The following STXBP4 variants were observed in gnomAD, a reference collection of about 807,000 sequenced individuals.
STXBP4 encodes the protein syntaxin-binding protein 4.
In STXBP4, 55 loss-of-function variants were observed where a neutral mutation model predicts 76.1. The ratio of observed to expected loss-of-function variants is 0.72; its 90% CI spans 0.58 to 0.91. STXBP4 has a LOEUF of 0.91. STXBP4 is among the 40% of genes least tolerant of loss of function. The pLI, the probability that STXBP4 is intolerant of heterozygous loss-of-function variation, is 0.00. For synonymous variants in STXBP4, 201 were observed against 220.2 expected (o/e 0.91, Z 0.77); for missense variants, 618 against 636.9 (o/e 0.97, Z 0.32).
intron 16 of STXBP4, 40 bp from the exon 17 acceptor site, chr17:55,141,270 T>A (rs752761213): frequency 6.6e-7 from 1 of 1,526,114 alleles, no homozygotes; most frequent in South Asian, 1.2e-5. Context: ...GTTATCTTTA[T>A]CATCTTATTA....
chr17:55,044,778 T>C (rs1298798536), intron 11 of STXBP4: 2 of 152,156 alleles, frequency 1.3e-5, no homozygotes, highest in African/African-American at 4.8e-5. Flanking sequence ...AAAAATTTTT[T>C]TCCAGTATGT....
rs551298005 is a variant in STXBP4, at chr17:55,040,899, C to G, written c.856-2337C>G. 7.2e-5 allele frequency among the ~76,000 whole-genome samples: 11 copies of G among 152,236 alleles called. No homozygotes were observed. The South Asian group carries it at 2.3e-3, about 32-fold the overall frequency. On this transcript the variant is annotated intron_variant, in intron 10 of 17. Transcript: ENST00000376352. ...ATAACAACAATTCATTTGCCGCTTC[C>G]TTAGCTGAAGTATATTTGAATGGAA...
chr17:55,080,759 C>G (rs2079245307), intron 15 of STXBP4, among the ~76,000 whole-genome samples: 1 of 152,042 alleles, frequency 6.6e-6, no homozygotes, highest in Admixed American at 6.6e-5. Flanking sequence ...AAGAGAAGCA[C>G]TCACAAAATA....
rs1047230476 is a variant in STXBP4, at chr17:55,167,991, A to G, written c.*8080A>G. 1 of 152,160 alleles carries G rather than the reference A, an allele frequency of 6.6e-6. No individual in the cohort carries two copies. Among genetic ancestry groups the G allele is most frequent in the Non-Finnish European group, 1.5e-5 (1 of 68,002 alleles). 9.4% of individuals were successfully genotyped at this position (152,160 alleles called of 1,614,324 possible). On this transcript the variant is annotated 3_prime_UTR_variant, in exon 18 of 18. Transcript: ENST00000376352. ...GAAAAGATGTTTATGAGCAGATTCT[A>G]TTTCTTTAGGCAGTTTTATCATTCA...
intron 16 of STXBP4, among the ~76,000 whole-genome samples, chr17:55,082,968 AT>A (rs57240226): frequency 2.0e-4 from 29 of 148,254 alleles, no homozygotes; most frequent in South Asian, 2.1e-4. Flanking sequence ...GCAAGAAAGC[AT>A]TTTTTTTTTT....
intron 1 of STXBP4, among the ~76,000 whole-genome samples, chr17:54,975,195 A>G (rs1179856200): frequency 3.3e-5 from 5 of 152,090 alleles, no homozygotes; most frequent in Admixed American, 6.5e-5. Flanking sequence ...CTGGAGTGCA[A>G]TGGCATGATC....
intron 1 of STXBP4, among the ~76,000 whole-genome samples, chr17:54,983,467 AC>A (rs138259804): frequency 0.045 from 6,842 of 152,190 alleles, 543 homozygotes; most frequent in African/African-American, 0.16. Flanking sequence ...CAGTAGAAAG[AC>A]TGCTCAGTTT....
the STXBP4 span, among the ~76,000 whole-genome samples, chr17:55,179,216 T>A: frequency 6.6e-6 from 1 of 152,202 alleles, no homozygotes; most frequent in African/African-American, 2.4e-5. Flanking sequence ...TGGCAAGAGT[T>A]ACTACCACTG....
intron 13 of STXBP4, 139 bp from the exon 14 acceptor site, chr17:55,077,939 C>T: frequency 2.0e-6 from 1 of 511,478 alleles, no homozygotes; most frequent in South Asian, 4.3e-5. Context: ...TACATGCCCC[C>T]CAAAATCAAA....
At chr17:55,089,890 G>A (rs1452577802) in intron 16 of STXBP4, among the ~76,000 whole-genome samples, 1 of 152,110 alleles carries the variant, frequency 6.6e-6, no homozygotes, top group Admixed American at 6.6e-5. Flanking sequence ...AGGCCTCATG[G>A]AAATGATAAC....
chr17:55,031,335 T>G, intron 9 of STXBP4, 71 bp downstream of exon 9: 1 of 1,215,954 alleles, frequency 8.2e-7, no homozygotes, highest in South Asian at 1.3e-5. Context: ...ACATTTTCAT[T>G]AAGAGTGTTT....
rs919521586 is a variant in STXBP4, at chr17:55,165,914, T to TC, written c.*6006dup. 2.6e-5 allele frequency: 4 copies of TC among 152,268 alleles called. No individual in the cohort carries two copies. 9.4% of individuals were successfully genotyped at this position (152,268 alleles called of 1,614,324 possible). Reference sequence around the variant, plus strand: ...TCTGCTGGCATCTTGATCGTACACTTCCCAGCCTCCAGAGCTGTGAACAAT... The same window carrying TC: ...TCTGCTGGCATCTTGATCGTACACTTCCCCAGCCTCCAGAGCTGTGAACAAT... On this transcript the variant is annotated 3_prime_UTR_variant, in exon 18 of 18. Transcript: ENST00000376352.
In STXBP4 at chr17:55,081,188, G is replaced by A; in HGVS notation, c.1489+5G>A. The A allele has an allele frequency of 6.9e-7, 1 of 1,449,872 alleles. No homozygotes were observed. Among genetic ancestry groups the A allele is most frequent in the Non-Finnish European group, 9.1e-7 (1 of 1,099,158 alleles). 89.8% of individuals were successfully genotyped at this position (1,449,872 alleles called of 1,614,324 possible). ...GTGCCTTACTTGATATGGATTGTAA[G>A]TTTTCTGCATTTTTTCACTTTTTAA... On this transcript the variant is annotated splice_donor_5th_base_variant and intron_variant, in intron 16 of 17. Coordinates refer to ENST00000376352, the MANE Select transcript of STXBP4 (RefSeq NM_178509.6).
intron 1 of STXBP4, among the ~76,000 whole-genome samples, chr17:54,984,405 C>T (rs1478977190): frequency 2.1e-5 from 3 of 142,970 alleles, no homozygotes; most frequent in Non-Finnish European, 4.5e-5. Flanking sequence ...TGCAGTGGCA[C>T]GGTCTTGGCT....
chr17:54,998,886 A>T (rs77406149), intron 4 of STXBP4, among the ~76,000 whole-genome samples: 1 of 152,042 alleles, frequency 6.6e-6, no homozygotes, highest in African/African-American at 2.4e-5. Flanking sequence ...TAAAAATCTC[A>T]ATGTGGGATA....
intron 16 of STXBP4, among the ~76,000 whole-genome samples, chr17:55,116,298 C>A (rs995487829): frequency 1.9e-4 from 29 of 151,680 alleles, no homozygotes; most frequent in Admixed American, 1.1e-3. Context: ...TTCTGTATAC[C>A]ATTAGTGCCT....
chr17:55,165,091 C>A lies in STXBP4; in HGVS notation c.*5180C>A, dbSNP rs1166824089. 1 of 152,116 alleles carries A rather than the reference C, an allele frequency of 6.6e-6. No individual in the cohort carries two copies. The highest frequency in any genetic ancestry group is 2.4e-5 in the African/African-American group (1 of 41,410). The allele number at this position is 152,116 out of a possible 1,614,324, so 9.4% of individuals were successfully genotyped here. A position where few individuals can be genotyped will look rare whatever the true frequency, so the allele number is the denominator to read the frequency against. ...CTACTGGACCATTTAATGTTCATTA[C>A]GTTAACAAAGAGTGTGATATCAGAA... On this transcript the variant is annotated 3_prime_UTR_variant, in exon 18 of 18. Transcript: ENST00000376352.
rs2145207323 is a variant in STXBP4, at chr17:55,165,970, T to G, written c.*6059T>G. On this transcript the variant is annotated 3_prime_UTR_variant, in exon 18 of 18. Coordinates refer to ENST00000376352, the MANE Select transcript of STXBP4 (RefSeq NM_178509.6). ...TATATTGTTTATAAATTACCCAGTC[T>G]GAGATATTTTGTTATAGCAGCTCCT... 6.6e-6 allele frequency: 1 copy of G among 152,300 alleles called. No homozygotes were observed. Among genetic ancestry groups the G allele is most frequent in the Non-Finnish European group, 1.5e-5 (1 of 68,016 alleles). The allele number at this position is 152,300 out of a possible 1,614,324, so 9.4% of individuals were successfully genotyped here. A position where few individuals can be genotyped will look rare whatever the true frequency, so the allele number is the denominator to read the frequency against.
intron 16 of STXBP4, among the ~76,000 whole-genome samples, chr17:55,127,880 AT>A (rs1364792031): frequency 2.0e-5 from 3 of 152,158 alleles, no homozygotes; most frequent in Middle Eastern, 3.2e-3. Context: ...ATGCTACATG[AT>A]TAGGGATCAG....
Sources: allele counts gnomAD v4.1 joint callset (sites outside exome capture counted in the v4.1 genomes callset), GRCh38; gene constraint gnomAD v4.1.1; transcripts MANE v1.5; gene names NCBI Gene and HGNC (gene_info 2026-07-23, HGNC 2026-07-21).